Variants in NAV2 observed in about 807,000 individuals in gnomAD.
NAV2 encodes the protein helicase, APC down-regulated 1.
A neutral mutation model predicts 223.2 loss-of-function variants in NAV2; 54 were observed. The ratio of observed to expected loss-of-function variants is 0.24; its 90% confidence interval spans 0.19 to 0.30. The LOEUF is 0.30. NAV2 is among the 10% of genes least tolerant of loss of function. The probability of loss-of-function intolerance (pLI) is 1.00; values close to 1 mark genes in which losing one functional copy is unlikely to be tolerated. For missense variants in NAV2, 2,806 were observed against 3,147.5 expected, an observed-to-expected ratio of 0.89 and a Z score of 2.60; for synonymous variants, 1,279 against 1,239.3, an observed-to-expected ratio of 1.03 and a Z score of -0.67.
chr11:19,610,726 GTGGA>G lies in NAV2; in HGVS notation c.76-221733_76-221730del, dbSNP rs550994245. Among the ~76,000 whole-genome samples, 349 of 151,890 alleles carry G rather than the reference GTGGA, an allele frequency of 2.3e-3. 1 individual carries two copies. Among genetic ancestry groups the G allele is most frequent in the African/African-American group, 7.6e-3 (313 of 41,428 alleles). On this transcript the variant is annotated intron_variant, in intron 1 of 37. Transcript: ENST00000360655. ...GATGGATGGATGGATGGATGGATAA[GTGGA>G]TGGATGGATGGATGGATGGATGGAG...
Position 19,942,448 on chromosome 11 carries a change from A to G in NAV2, c.2146+2675A>G, listed in dbSNP as rs1230914272. ...CTCTCACCCTAACCCTTCTAGCGAG[A>G]GGTTTTTATGTCCACTTTACAAATG... On this transcript the variant is annotated intron_variant, in intron 8 of 37. Transcript: ENST00000349880. Among the ~76,000 whole-genome samples, 3 of 152,168 alleles carry G rather than the reference A, an allele frequency of 2.0e-5. No individual in the cohort carries two copies. In the East Asian group the frequency reaches 5.8e-4, roughly 29 times the overall value.
Position 20,106,175 on chromosome 11 carries a change from A to ATATTTGTGTGTGTGTGTG in NAV2, c.6841+449_6841+450insATTTGTGTGTGTGTGTGT, listed in dbSNP as rs11267537. On this transcript the variant is annotated intron_variant, in intron 35 of 37. Transcript: ENST00000349880. ...TGTGTGTATATATATATATATATAT[A>ATATTTGTGTGTGTGTGTG]TGTGTGTGTATATATATATATATAT... 5.6e-5 allele frequency among the ~76,000 whole-genome samples: 2 copies of ATATTTGTGTGTGTGTGTG among 35,842 alleles called. 1 individual carries two copies. The highest frequency in any genetic ancestry group is 1.1e-4 in the Non-Finnish European group (2 of 18,992). 23.5% of individuals were successfully genotyped at this position (35,842 alleles called of 152,430 possible).
At chr11:19,508,969 T>C (rs981093470) in intron 1 of NAV2, among the ~76,000 whole-genome samples, 4 of 152,218 alleles carry the variant, frequency 2.6e-5, no homozygotes, top group Non-Finnish European at 5.9e-5. Flanking sequence ...ATTACATAAC[T>C]GGGTAGTTTG....
intron 32 of NAV2, among the ~76,000 whole-genome samples, chr11:20,102,827 C>T (rs779673441): frequency 3.3e-5 from 5 of 152,124 alleles, no homozygotes; most frequent in Non-Finnish European, 7.4e-5. Flanking sequence ...TCCCCAAGCC[C>T]GGTGCATATA....
chr11:19,378,764 C>T (rs1848730744), intron 1 of NAV2, among the ~76,000 whole-genome samples: 2 of 152,182 alleles, frequency 1.3e-5, no homozygotes. Flanking sequence ...TCAGCACACA[C>T]ACCTTAGTGC....
intron 1 of NAV2, among the ~76,000 whole-genome samples, chr11:19,679,519 A>G (rs2048820793): frequency 6.6e-6 from 1 of 152,000 alleles, no homozygotes; most frequent in South Asian, 2.1e-4. Context: ...AACTCACAGT[A>G]CCTGCCTCAG....
At chr11:19,621,284 T>C (rs938686056) in intron 1 of NAV2, among the ~76,000 whole-genome samples, 32 of 151,810 alleles carry the variant, frequency 2.1e-4, no homozygotes, top group Non-Finnish European at 5.9e-5. Context: ...ATAATTAGGG[T>C]GGATTCCCTC....
intron 1 of NAV2, among the ~76,000 whole-genome samples, chr11:19,587,520 C>T (rs541416313): frequency 1.3e-5 from 2 of 152,318 alleles, no homozygotes; most frequent in East Asian, 1.9e-4. Context: ...CCTTGGCTCC[C>T]AGCTCCACAT....
intron 1 of NAV2, among the ~76,000 whole-genome samples, chr11:19,488,913 T>A (rs1044973074): frequency 3.3e-5 from 5 of 152,232 alleles, no homozygotes; most frequent in African/African-American, 1.2e-4. Flanking sequence ...GGTGACCCTG[T>A]CTGTCCTGCT....
chr11:19,959,396 G>A (rs756373245), intron 10 of NAV2, among the ~76,000 whole-genome samples: 39 of 152,280 alleles, frequency 2.6e-4, no homozygotes, highest in Middle Eastern at 3.4e-3. Context: ...CAAAATGTGG[G>A]GGCTCCAAAG....
intron 6 of NAV2, among the ~76,000 whole-genome samples, chr11:19,918,762 G>C (rs114319514): frequency 6.6e-6 from 1 of 152,288 alleles, no homozygotes; most frequent in African/African-American, 2.4e-5. Context: ...TTTGTAAAAG[G>C]TTTAGTTCTA....
At chr11:19,753,515 T>C (rs1590317100) in intron 1 of NAV2, among the ~76,000 whole-genome samples, 1 of 152,244 alleles carries the variant, frequency 6.6e-6, no homozygotes, top group East Asian at 1.9e-4. Flanking sequence ...GCAGTTCCTC[T>C]TTGGGTTTAG....
intron 1 of NAV2, among the ~76,000 whole-genome samples, chr11:19,818,031 G>T (rs1349628746): frequency 3.4e-5 from 5 of 146,234 alleles, no homozygotes; most frequent in Admixed American, 3.3e-4. Context: ...AGGCTTCCCA[G>T]CTCCAGATCT....
intron 1 of NAV2, among the ~76,000 whole-genome samples, chr11:19,813,189 C>T (rs1423723814): frequency 1.3e-5 from 2 of 151,936 alleles, no homozygotes; most frequent in Admixed American, 1.3e-4. Flanking sequence ...TTCTTTTCAA[C>T]AGAGTCAAGC....
At chr11:19,847,914 G>A (rs910524964) in intron 3 of NAV2, among the ~76,000 whole-genome samples, 3 of 152,162 alleles carry the variant, frequency 2.0e-5, no homozygotes, top group African/African-American at 7.2e-5. Context: ...GATCATTCAT[G>A]TTTTGGGGGA....
At chr11:19,954,795 G>A (rs968866890) in intron 10 of NAV2, among the ~76,000 whole-genome samples, 1 of 151,980 alleles carries the variant, frequency 6.6e-6, no homozygotes, top group Non-Finnish European at 1.5e-5. Context: ...ATCTGTATTA[G>A]CACTGGTAGC....
At chr11:19,878,713 A>G (rs2063010652) in intron 4 of NAV2, among the ~76,000 whole-genome samples, 1 of 152,074 alleles carries the variant, frequency 6.6e-6, no homozygotes, top group Non-Finnish European at 1.5e-5. Flanking sequence ...CACTGGGGGG[A>G]AGGCACTGGC....
intron 1 of NAV2, among the ~76,000 whole-genome samples, chr11:19,624,182 C>T (rs150920210): frequency 0.012 from 1,819 of 152,282 alleles, 38 homozygotes; most frequent in East Asian, 0.062. Flanking sequence ...GACCCTACTG[C>T]GAGGTGCCTC....
chr11:19,708,282 G>A (rs79272161), upstream of NAV2, among the ~76,000 whole-genome samples: 1,634 of 152,264 alleles, frequency 0.011, 82 homozygotes, highest in East Asian at 0.15. Context: ...GTGCCATCTC[G>A]GAGATGTCTC....
Sources: gnomAD v4.1 joint callset for allele counts (sites outside exome capture counted in the v4.1 genomes callset) on GRCh38, gnomAD v4.1.1 for gene constraint, MANE v1.5 for transcripts, NCBI Gene and HGNC (gene_info 2026-07-23, HGNC 2026-07-21) for gene names.